LTBP1: variants seen among roughly 807,000 people sequenced by gnomAD.
LTBP1 encodes latent-transforming growth factor beta-binding protein 1.
Under a neutral mutation model 207.6 loss-of-function variants are expected in LTBP1, and 129 were observed. That is an observed-to-expected ratio of 0.62 (90% CI 0.54 to 0.72). LTBP1 has a LOEUF of 0.72. LTBP1 is among the 30% of genes least tolerant of loss of function. LTBP1 has a pLI of 0.00. For synonymous variants in LTBP1, 963 were observed against 833.7 expected (o/e 1.16, Z -2.67); for missense variants, 2,281 against 2,217.2 (o/e 1.03, Z -0.58).
chr2:33,080,628 A>G (rs1454696300), intron 3 of LTBP1, among the ~76,000 whole-genome samples: 1 of 152,210 alleles, frequency 6.6e-6, no homozygotes, highest in African/African-American at 2.4e-5. Context: ...CTTTGAAAGC[A>G]GTTTTTTTCT....
rs1401659874 is a variant in LTBP1 at position 33,001,703 on chromosome 2, A to G, written c.566-19206A>G. Among the ~76,000 whole-genome samples the G allele has an allele frequency of 1.5e-5, 2 of 134,756 alleles. 1 individual carries two copies. Among genetic ancestry groups the G allele is most frequent in the Non-Finnish European group, 3.3e-5 (2 of 61,312 alleles). The allele number at this position is 134,756 out of a possible 152,430, so 88.4% of individuals were successfully genotyped here. ...TTGTTTCTGCAGGACAGTGCATTGCATAGTATGGTCCCCGTGCTGCTCATC... is the reference window on the plus strand; with the variant it reads ...TTGTTTCTGCAGGACAGTGCATTGCGTAGTATGGTCCCCGTGCTGCTCATC... On this transcript the variant is annotated intron_variant, in intron 2 of 33. Coordinates refer to ENST00000404816, the MANE Select transcript of LTBP1 (RefSeq NM_206943.4).
intron 31 of LTBP1, among the ~76,000 whole-genome samples, chr2:33,381,056 T>C (rs896921329): frequency 6.6e-6 from 1 of 152,226 alleles, no homozygotes; most frequent in East Asian, 1.9e-4. Context: ...AAATTTAACA[T>C]GCTGAACACT....
intron 24 of LTBP1, among the ~76,000 whole-genome samples, chr2:33,325,933 A>G (rs191484431): frequency 6.6e-6 from 1 of 152,104 alleles, no homozygotes; most frequent in Non-Finnish European, 1.5e-5. Context: ...AACCTTCCTC[A>G]TACACTTTTT....
At chr2:33,267,983 A>T (rs2093226086) in intron 15 of LTBP1, among the ~76,000 whole-genome samples, 1 of 152,214 alleles carries the variant, frequency 6.6e-6, no homozygotes, top group African/African-American at 2.4e-5. Flanking sequence ...AAGCATGAAT[A>T]TATCCTTCCA....
chr2:33,143,630 T>C (rs1281775497), intron 5 of LTBP1, among the ~76,000 whole-genome samples: 2 of 152,208 alleles, frequency 1.3e-5, no homozygotes, highest in African/African-American at 2.4e-5. Flanking sequence ...TTTCTACTCA[T>C]GGGCAAAGTG....
chr2:33,064,046 G>A (rs934034022), intron 3 of LTBP1, among the ~76,000 whole-genome samples: 11 of 151,908 alleles, frequency 7.2e-5, no homozygotes, highest in Non-Finnish European at 1.2e-4. Context: ...TTGAGACGGG[G>A]TTTCACCATG....
intron 3 of LTBP1, among the ~76,000 whole-genome samples, chr2:33,085,351 C>G (rs1202082296): frequency 6.6e-6 from 1 of 152,178 alleles, no homozygotes; most frequent in African/African-American, 2.4e-5. Flanking sequence ...ATCTAATGAA[C>G]ATTTTTCTTA....
In LTBP1 at chr2:33,301,568, C is replaced by T. The variant is rs373138558; in HGVS notation, c.3405C>T (p.Cys1135=). ...QHRHLCAHGQ[C]RNTEGSFQCV... ...GTCATCTCTGTGCTCATGGGCAGTG[C>T]AGGAACACTGAGGGCTCTTTTCAAT... The change falls in exon 22 of 34, where the codon TGC becomes TGT. Residue 1135 remains cysteine, a synonymous_variant. Transcript: ENST00000404816. The T allele has an allele frequency of 1.2e-4, 197 of 1,612,818 alleles. No homozygotes were observed. The highest frequency in any genetic ancestry group is 5.7e-4 in the Admixed American group (34 of 59,754).
intron 24 of LTBP1, among the ~76,000 whole-genome samples, chr2:33,322,931 T>C (rs1415389965): frequency 6.6e-6 from 1 of 152,214 alleles, no homozygotes; most frequent in African/African-American, 2.4e-5. Flanking sequence ...TTCTACTTCT[T>C]TACCTTGTTT....
intron 11 of LTBP1, among the ~76,000 whole-genome samples, chr2:33,254,531 G>C (rs193185072): frequency 8.0e-6 from 1 of 125,522 alleles, no homozygotes; most frequent in East Asian, 2.5e-4. Context: ...TATTTAGTTC[G>C]TTAATTCTTT....
Position 33,257,524 on chromosome 2 carries a change from A to T in LTBP1, c.2395+13A>T. The T allele has an allele frequency of 1.3e-6, 2 of 1,599,988 alleles. No homozygotes were observed. Among genetic ancestry groups the T allele is most frequent in the Non-Finnish European group, 1.7e-6 (2 of 1,167,534 alleles). On this transcript the variant is annotated intron_variant, in intron 12 of 33. Transcript: ENST00000404816. ...GCGGAGCCAGAAGGTGAGAGCGGTAATGGATCATGGACTCTAGACATCTAT... is the reference window on the plus strand; with the variant it reads ...GCGGAGCCAGAAGGTGAGAGCGGTATTGGATCATGGACTCTAGACATCTAT...
intron 19 of LTBP1, among the ~76,000 whole-genome samples, chr2:33,285,035 CTTTT>C (rs934497674): frequency 8.3e-6 from 1 of 120,134 alleles, no homozygotes; most frequent in Admixed American, 8.7e-5. Context: ...GTATCACATT[CTTTT>C]TTTTTTTTTT....
intron 21 of LTBP1, among the ~76,000 whole-genome samples, chr2:33,300,906 A>C (rs2093977441): frequency 6.6e-6 from 1 of 152,186 alleles, no homozygotes. Context: ...GGATTTCAGC[A>C]ATTAGAAAGT....
At chr2:33,017,804 G>C (rs1017387613) in intron 2 of LTBP1, among the ~76,000 whole-genome samples, 1 of 152,124 alleles carries the variant, frequency 6.6e-6, no homozygotes, top group Non-Finnish European at 1.5e-5. Context: ...TTTTAGTAGA[G>C]ACGGGGTTTC....
intron 3 of LTBP1, chr2:33,056,581 C>T (rs952931292): frequency 7.7e-6 from 3 of 387,144 alleles, no homozygotes; most frequent in Non-Finnish European, 1.4e-5. Flanking sequence ...AAGCCGCGGA[C>T]CCTCGCAGTG....
At chr2:33,374,452 CAAT>C (rs2095111199) in intron 31 of LTBP1, among the ~76,000 whole-genome samples, 1 of 152,120 alleles carries the variant, frequency 6.6e-6, no homozygotes, top group African/African-American at 2.4e-5. Context: ...ATTAAAGAAA[CAAT>C]AACCGCTAGT....
chr2:33,155,073 A>G (rs2083859152), intron 5 of LTBP1, among the ~76,000 whole-genome samples: 2 of 152,180 alleles, frequency 1.3e-5, no homozygotes, highest in Admixed American at 1.3e-4. Context: ...AAAACAAAAC[A>G]AAACAAAAAG....
At chr2:33,357,232 C>G (rs779865108) in intron 26 of LTBP1, among the ~76,000 whole-genome samples, 1 of 152,140 alleles carries the variant, frequency 6.6e-6, no homozygotes, top group Non-Finnish European at 1.5e-5. Flanking sequence ...GAAGGAGCTC[C>G]CAGACAGGGC....
rs547228863 is a variant in LTBP1 at position 33,130,489 on chromosome 2, C to T, written c.1034-4304C>T. On this transcript the variant is annotated intron_variant, in intron 4 of 33. Coordinates refer to ENST00000404816, the MANE Select transcript of LTBP1 (RefSeq NM_206943.4). ...TTGGTCTGATGACCAAACAAGGCAA[C>T]TGTGCCCTTTTCTAGACTGATGTCT... Among the ~76,000 whole-genome samples the T allele has an allele frequency of 3.9e-5, 6 of 152,380 alleles. No individual in the cohort carries two copies. In the South Asian group the frequency reaches 1.2e-3, roughly 32 times the overall value.
Sources: allele counts gnomAD v4.1 joint callset (sites outside exome capture counted in the v4.1 genomes callset), GRCh38; gene constraint gnomAD v4.1.1; transcripts MANE v1.5; gene names NCBI Gene and HGNC (gene_info 2026-07-23, HGNC 2026-07-21).